MRPS15: variants seen among roughly 807,000 people sequenced by gnomAD.
MRPS15 encodes the protein small ribosomal subunit protein uS15m.
In MRPS15, 25 loss-of-function variants were observed where a neutral mutation model predicts 30.7. The observed-to-expected ratio is 0.81, with a 90% CI of 0.59 to 1.14. The LOEUF (loss-of-function observed/expected upper bound fraction) is 1.14, where lower values mean the gene tolerates loss of function less well. Ranked by LOEUF, MRPS15 falls within the 50% of genes most tolerant of loss-of-function variation. The pLI is 0.00. For synonymous variants in MRPS15, 124 were observed against 120.1 expected (o/e 1.03, Z -0.21); for missense variants, 313 against 321.7 (o/e 0.97, Z 0.21).
intron 4 of MRPS15, 44 bp downstream of exon 4, chr1:36,461,220 A>G: frequency 6.2e-7 from 1 of 1,602,028 alleles, no homozygotes; most frequent in Non-Finnish European, 8.6e-7. Context: ...GGAGTCCCAG[A>G]GGAGAAGACT....
chr1:36,460,072 G>A (rs1043609205), intron 5 of MRPS15, among the ~76,000 whole-genome samples: 3 of 152,138 alleles, frequency 2.0e-5, no homozygotes, highest in Non-Finnish European at 2.9e-5. Context: ...GTGCAGTGGC[G>A]CGATCTCGGC....
In MRPS15 at chr1:36,460,705, G is replaced by A; in HGVS notation, c.372C>T (p.Ser124=). 1 of 1,613,890 alleles carries A rather than the reference G, an allele frequency of 6.2e-7. No individual in the cohort carries two copies. Among genetic ancestry groups the A allele is most frequent in the Non-Finnish European group, 8.5e-7 (1 of 1,179,814 alleles). ...TCCCCGACCAACTTCGAGCCTCCAG[G>A]GATCTGGTGTCCTCTGGGTTTGCAA... ...KIVANPEDTR[S]LEARIIALSV... The change falls in exon 5 of 8, where the codon TCC becomes TCT. Residue 124 remains serine (S), a synonymous_variant. Coordinates refer to ENST00000373116, the MANE Select transcript of MRPS15 (RefSeq NM_031280.4).
At chr1:36,461,950 TG>T in intron 3 of MRPS15, 137 bp downstream of exon 3, 1 of 642,390 alleles carries the variant, frequency 1.6e-6, no homozygotes, top group Admixed American at 2.9e-5. Context: ...TCACCACACC[TG>T]GACACCTGGG....
chr1:36,456,151 A>G, intron 7 of MRPS15, 36 bp downstream of exon 7: 1 of 1,575,972 alleles, frequency 6.3e-7, no homozygotes, highest in Non-Finnish European at 8.6e-7. Flanking sequence ...CCAGTCCCTG[A>G]GTGGGGCCAA....
At position 36,463,818 on chromosome 1, in the gene MRPS15, C is replaced by A. The variant is rs376261224; in HGVS notation, c.163G>T (p.Val55Phe). 2.5e-6 allele frequency: 4 copies of A among 1,612,736 alleles called. No individual in the cohort carries two copies. Among genetic ancestry groups the A allele is most frequent in the Non-Finnish European group, 3.4e-6 (4 of 1,179,192 alleles). ...TAGGAACTCCTACCTGGTTTCCGGA[C>A]GACATATCCGCGCGCGGCCTGGAGG... is the stretch of plus-strand genomic sequence containing the variant. ...LLLQAARGYV[V>F]RKPAQSRLDD... The change falls in exon 2 of 8, where the codon GTC becomes TTC. Residue 55 changes from valine (V) to phenylalanine (F), a missense_variant. By Grantham distance (50) the Val-to-Phe change is conservative. Coordinates refer to ENST00000373116, the MANE Select transcript of MRPS15 (RefSeq NM_031280.4).
In MRPS15 at chr1:36,462,077, T is replaced by C. The variant is rs1195075222; in HGVS notation, c.251+11A>G. On this transcript the variant is annotated intron_variant, in intron 3 of 7. Coordinates refer to ENST00000373116, the MANE Select transcript of MRPS15 (RefSeq NM_031280.4). ...CCCCCTGCCTCCTCTACTAGGTTTC[T>C]TCCTGCTTACTTCTCAATTCCAGGG... 3.1e-6 allele frequency: 5 copies of C among 1,611,682 alleles called. No individual in the cohort carries two copies. The highest frequency in any genetic ancestry group is 1.1e-5 in the South Asian group (1 of 90,954).
intron 7 of MRPS15, 115 bp downstream of exon 7, chr1:36,456,072 T>A (rs922767691): frequency 6.7e-7 from 1 of 1,482,156 alleles, no homozygotes; most frequent in African/African-American, 1.4e-5. Context: ...CTGGATCCAT[T>A]CCAGGGCCTG....
rs118158752 is a variant in MRPS15, at chr1:36,461,657, G to A, written c.252-345C>T. 9.8e-4 allele frequency among the ~76,000 whole-genome samples: 149 copies of A among 152,314 alleles called. 1 individual carries two copies. The East Asian group carries it at 0.021, about 22-fold the overall frequency. On this transcript the variant is annotated intron_variant, in intron 3 of 7. Transcript: ENST00000373116. ...GGGACTGACCAGCTCCCACCACACT[G>A]CATAGGAGCTGAGCAGAGGGCCTCT...
chr1:36,459,383 AG>A, intron 5 of MRPS15: 1 of 144,622 alleles, frequency 6.9e-6, no homozygotes. Flanking sequence ...CCTGAGTGAC[AG>A]AGTGAGATCC....
Position 36,456,240 on chromosome 1 carries a change from A to G in MRPS15, c.583T>C (p.Tyr195His), listed in dbSNP as rs202107281. 5 of 1,613,926 alleles carry G rather than the reference A, an allele frequency of 3.1e-6. No homozygotes were observed. In the Admixed American group the frequency reaches 5.0e-5, roughly 16 times the overall value. The change falls in exon 7 of 8, where the codon TAT (tyrosine) becomes CAT (histidine). Residue 195 changes from tyrosine to histidine, a missense_variant. Transcript: ENST00000373116. ...AATCGGCGGTGGGCTCTTCGGTAATACAGAGGGGGGAAGGTGTACTCAATT... is the reference window on the plus strand; with the variant it reads ...AATCGGCGGTGGGCTCTTCGGTAATGCAGAGGGGGGAAGGTGTACTCAATT... ...LGIEYTFPPLYYRRAHRRFVT... is the reference protein window; with the variant it reads ...LGIEYTFPPLHYRRAHRRFVT...
At chr1:36,456,443 A>G (rs1397167808) in intron 6 of MRPS15, 65 bp from the exon 7 acceptor site, 19 of 1,367,380 alleles carry the variant, frequency 1.4e-5, no homozygotes, top group Non-Finnish European at 1.9e-5. Flanking sequence ...GTAACAAACA[A>G]TGGTCATTTT....
chr1:36,457,467 G>A (rs1446752741), intron 6 of MRPS15, among the ~76,000 whole-genome samples: 5 of 152,122 alleles, frequency 3.3e-5, no homozygotes, highest in Non-Finnish European at 7.4e-5. Context: ...GAAGTACTTA[G>A]CACAGGGCCT....
chr1:36,463,155 C>T (rs1399795726), intron 2 of MRPS15, among the ~76,000 whole-genome samples: 1 of 152,036 alleles, frequency 6.6e-6, no homozygotes, highest in African/African-American at 2.4e-5. Context: ...TTAGTAGAGA[C>T]GAGGTTTCAC....
At position 36,461,316 on chromosome 1, in the gene MRPS15, T is replaced by C. The variant is rs756477300; in HGVS notation, c.252-4A>G. On this transcript the variant is annotated splice_polypyrimidine_tract_variant and splice_region_variant and intron_variant, in intron 3 of 7. Coordinates refer to ENST00000373116, the MANE Select transcript of MRPS15 (RefSeq NM_031280.4). ...TCTTTTCACGACATCATCAACCCTG[T>C]GGATAAACCACAGCAATGAGACAGA... is the stretch of plus-strand genomic sequence containing the variant. 3 of 1,614,014 alleles carry C rather than the reference T, an allele frequency of 1.9e-6. No homozygotes were observed. Among genetic ancestry groups the C allele is most frequent in the East Asian group, 2.2e-5 (1 of 44,878 alleles).
At chr1:36,461,335 A>C in intron 3 of MRPS15, 23 bp from the exon 4 acceptor site, 1 of 1,610,670 alleles carries the variant, frequency 6.2e-7, no homozygotes, top group Non-Finnish European at 8.5e-7. Context: ...CACAGCAATG[A>C]GACAGACATT....
intron 5 of MRPS15, among the ~76,000 whole-genome samples, chr1:36,459,908 A>T (rs72921208): frequency 2.6e-5 from 4 of 152,198 alleles, no homozygotes; most frequent in African/African-American, 9.7e-5. Flanking sequence ...ACTCACATCT[A>T]ATGAGGACTA....
Position 36,457,915 on chromosome 1 carries a change from G to C in MRPS15, c.444+8C>G. ...GCTGTTTAACTGTGAATGACGTCCA[G>C]AGTTTACCTTTCGATGTTTCTCCAA... On this transcript the variant is annotated splice_region_variant and intron_variant, in intron 6 of 7. Transcript: ENST00000373116. The C allele has an allele frequency of 6.2e-7, 1 of 1,613,862 alleles. No homozygotes were observed. Among genetic ancestry groups the C allele is most frequent in the Non-Finnish European group, 8.5e-7 (1 of 1,179,758 alleles).
intron 2 of MRPS15, among the ~76,000 whole-genome samples, chr1:36,463,014 G>A (rs1650128212): frequency 6.6e-6 from 1 of 151,998 alleles, no homozygotes; most frequent in Non-Finnish European, 1.5e-5. Flanking sequence ...ACCCAGGCTG[G>A]AGTGCAGTGG....
rs922825530 is a variant in MRPS15, at chr1:36,456,248, G to A, written c.575C>T (p.Pro192Leu). Residue 192 changes from proline to leucine, a missense_variant, in exon 7 of 8, where the codon CCC (proline) becomes CTC (leucine). Pro to Leu is a moderately conservative substitution (Grantham distance 98). Transcript: ENST00000373116. ...GTGGGCTCTTCGGTAATACAGAGGG[G>A]GGAAGGTGTACTCAATTCCCAGCCC... The part of the protein sequence containing the change: ...CWGLGIEYTF[P>L]PLYYRRAHRR... The A allele has an allele frequency of 1.2e-6, 2 of 1,613,978 alleles. No homozygotes were observed. The highest frequency in any genetic ancestry group is 1.7e-6 in the Non-Finnish European group (2 of 1,180,040).
Sources: allele counts gnomAD v4.1 joint callset (sites outside exome capture counted in the v4.1 genomes callset), GRCh38; gene constraint gnomAD v4.1.1; transcripts MANE v1.5; gene names NCBI Gene and HGNC (gene_info 2026-07-23, HGNC 2026-07-21).